GABRR1: variants seen among roughly 807,000 people sequenced by gnomAD.
GABRR1 encodes the protein gamma-aminobutyric acid type A receptor subunit rho1.
GABRR1 carries 59 observed loss-of-function variants against 55.5 expected under a neutral mutation model. The ratio of observed to expected loss-of-function variants is 1.06; its 90% CI spans 0.86 to 1.32. The LOEUF (loss-of-function observed/expected upper bound fraction) is 1.32, where lower values mean the gene tolerates loss of function less well. GABRR1 is among the 40% of genes most tolerant of loss of function. The probability of loss-of-function intolerance (pLI) is 0.00; values close to 1 mark genes in which losing one functional copy is unlikely to be tolerated. For missense variants in GABRR1, 602 were observed against 619.1 expected (o/e 0.97, Z 0.29); for synonymous variants, 213 against 226.0 (o/e 0.94, Z 0.51).
chr6:89,199,530 T>G, intron 3 of GABRR1, 101 bp from the exon 4 acceptor site: 1 of 1,113,966 alleles, frequency 9.0e-7, no homozygotes, highest in South Asian at 1.3e-5. Flanking sequence ...CTCAATGTCA[T>G]ATCAGATTTG....
At chr6:89,193,630 C>G (rs2127795941) in intron 5 of GABRR1, among the ~76,000 whole-genome samples, 1 of 152,248 alleles carries the variant, frequency 6.6e-6, no homozygotes, top group Admixed American at 6.5e-5. Flanking sequence ...TTTCAGGAAG[C>G]TTGTGAGCCA....
chr6:89,230,515 C>G (rs552354402), intron 1 of GABRR1, among the ~76,000 whole-genome samples: 6 of 152,046 alleles, frequency 3.9e-5, no homozygotes, highest in African/African-American at 1.4e-4. Context: ...TGTTGGAATA[C>G]CCTGCCTTGT....
At chr6:89,203,606 G>GA in intron 1 of GABRR1, 121 bp from the exon 2 acceptor site, 1 of 763,458 alleles carries the variant, frequency 1.3e-6, no homozygotes, top group Non-Finnish European at 2.2e-6. Flanking sequence ...AAAAGAAGAA[G>GA]AAAAAACTAC....
At position 89,178,859 on chromosome 6, in the gene GABRR1, C is replaced by T. The variant is rs765227482; in HGVS notation, c.1351G>A (p.Asp451Asn). 5.6e-6 allele frequency: 9 copies of T among 1,613,986 alleles called. No individual in the cohort carries two copies. The East Asian group carries it at 1.3e-4, about 24-fold the overall frequency. The change falls in exon 10 of 10, where the codon GAC becomes AAC. Residue 451 changes from aspartate to asparagine, a missense_variant. Asp to Asn is a conservative substitution (Grantham distance 23). Transcript: ENST00000454853. ...QRSSYVSMRI[D>N]THAIDKYSRI... ...GAGTATTTATCAATGGCGTGGGTGT[C>T]GATTCTCATGCTCACATAGCTGCTT... is the stretch of plus-strand genomic sequence containing the variant.
At chr6:89,218,535 T>G (rs940315858), upstream of GABRR1, among the ~76,000 whole-genome samples, 5 of 152,236 alleles carry the variant, frequency 3.3e-5, no homozygotes, top group Non-Finnish European at 5.9e-5. Context: ...CGATTCTTCT[T>G]ATTTGAATTC....
intron 1 of GABRR1, among the ~76,000 whole-genome samples, chr6:89,224,521 A>AT (rs746148147): frequency 2.0e-5 from 3 of 151,900 alleles, no homozygotes; most frequent in Non-Finnish European, 2.9e-5. Flanking sequence ...TTTTTATGGA[A>AT]TTTTTTTCTC....
At chr6:89,202,193 C>T (rs1383776821) in intron 2 of GABRR1, among the ~76,000 whole-genome samples, 23 of 152,182 alleles carry the variant, frequency 1.5e-4, no homozygotes, top group Admixed American at 1.5e-3. Flanking sequence ...TAGCAGTTGA[C>T]AATTTTTTAA....
intron 1 of GABRR1, among the ~76,000 whole-genome samples, chr6:89,213,840 G>T (rs1051357381): frequency 1.2e-4 from 5 of 42,380 alleles, no homozygotes; most frequent in Admixed American, 9.4e-4. Flanking sequence ...GTAATTCTTG[G>T]GTGTTTTTAA....
chr6:89,190,214 G>A lies in GABRR1; in HGVS notation c.606C>T (p.Phe202=). The change falls in exon 6 of 10, where the codon TTC becomes TTT. Residue 202 remains phenylalanine (F), a synonymous_variant. Coordinates refer to ENST00000454853, the MANE Select transcript of GABRR1 (RefSeq NM_002042.5). ...TTTGTGTGTCCAAGGGAAATCGGCT[G>A]AAGTCCATGTTGCACATTGCAGTTA... is the stretch of plus-strand genomic sequence containing the variant. The part of the protein sequence containing the change: ...VTVTAMCNMD[F]SRFPLDTQTC... 1 of 1,611,872 alleles carries A rather than the reference G, an allele frequency of 6.2e-7. No individual in the cohort carries two copies. Among genetic ancestry groups the A allele is most frequent in the South Asian group, 1.1e-5 (1 of 90,534 alleles).
chr6:89,184,247 CAAAAA>C (rs1164564083), intron 7 of GABRR1, among the ~76,000 whole-genome samples: 3 of 57,134 alleles, frequency 5.3e-5, no homozygotes, highest in East Asian at 5.0e-4. Flanking sequence ...GACTCCGTCT[CAAAAA>C]AAAAAAAAAA....
chr6:89,214,869 A>AT (rs1562314916), intron 1 of GABRR1, among the ~76,000 whole-genome samples: 8 of 152,076 alleles, frequency 5.3e-5, no homozygotes, highest in Non-Finnish European at 8.8e-5. Context: ...TAGAAAAAAA[A>AT]ATTTTTTTAA....
In GABRR1 at chr6:89,185,297, ACT is replaced by A; in HGVS notation, c.796+11_796+12del. 1 of 1,610,118 alleles carries A rather than the reference ACT, an allele frequency of 6.2e-7. No individual in the cohort carries two copies. The highest frequency in any genetic ancestry group is 8.5e-7 in the Non-Finnish European group (1 of 1,178,396). ...AAGCCTGCCCTGACTCTCAGCCCTC[ACT>A]CTACACTTACCTGTGCTGCTGTAGA... On this transcript the variant is annotated intron_variant, in intron 7 of 9. Coordinates refer to ENST00000454853, the MANE Select transcript of GABRR1 (RefSeq NM_002042.5).
chr6:89,177,541 A>G lies in GABRR1; in HGVS notation c.*1229T>C, dbSNP rs1771582051. On this transcript the variant is annotated 3_prime_UTR_variant, in exon 10 of 10. Coordinates refer to ENST00000454853, the MANE Select transcript of GABRR1 (RefSeq NM_002042.5). Reference sequence around the variant, plus strand: ...TTCACTTTATTAAAGTGAGTTTCAAATAAAACAAATGCTGTTTGGGTAAGT... The same window carrying G: ...TTCACTTTATTAAAGTGAGTTTCAAGTAAAACAAATGCTGTTTGGGTAAGT... 6.6e-6 allele frequency: 1 copy of G among 152,234 alleles called. No homozygotes were observed. The highest frequency in any genetic ancestry group is 2.4e-5 in the African/African-American group (1 of 41,468). 9.4% of individuals were successfully genotyped at this position (152,234 alleles called of 1,614,324 possible). A position where few individuals can be genotyped will look rare whatever the true frequency, so the allele number is the denominator to read the frequency against.
At chr6:89,196,877 AAGAG>A (rs549771676) in intron 5 of GABRR1, among the ~76,000 whole-genome samples, 3,151 of 144,654 alleles carry the variant, frequency 0.022, 120 homozygotes, top group African/African-American at 0.052. Context: ...GAAAGAAAGA[AAGAG>A]AAGAGAAGAA....
chr6:89,196,881 G>GAAAGAAAGAAA (rs57085890), intron 5 of GABRR1, among the ~76,000 whole-genome samples: 2 of 95,230 alleles, frequency 2.1e-5, no homozygotes, highest in Admixed American at 1.1e-4. Flanking sequence ...GAAAGAAAGA[G>GAAAGAAAGAAA]AAGAGAAGAA....
At chr6:89,183,482 G>A (rs1341959288) in intron 7 of GABRR1, among the ~76,000 whole-genome samples, 1 of 121,764 alleles carries the variant, frequency 8.2e-6, no homozygotes, top group Non-Finnish European at 1.8e-5. Context: ...GCTTCCCTGT[G>A]CAGTCAATTG....
intron 1 of GABRR1, among the ~76,000 whole-genome samples, chr6:89,207,919 C>T (rs1387334237): frequency 1.3e-5 from 2 of 152,228 alleles, no homozygotes; most frequent in African/African-American, 4.8e-5. Context: ...CTGCCTTGAA[C>T]CCGTTTTGCT....
In GABRR1 at chr6:89,208,586, C is replaced by T. The variant is rs568260409; in HGVS notation, c.123-5101G>A. 3.3e-4 allele frequency among the ~76,000 whole-genome samples: 51 copies of T among 152,328 alleles called. No homozygotes were observed. The Middle Eastern group carries it at 0.01, about 30-fold the overall frequency. Reference sequence around the variant, plus strand: ...GAGCCCCCATCCAGTCAGTTGTGGGCCTTCAGAGAAAAGACTAAGGTTTCT... The same window carrying T: ...GAGCCCCCATCCAGTCAGTTGTGGGTCTTCAGAGAAAAGACTAAGGTTTCT... On this transcript the variant is annotated intron_variant, in intron 1 of 9. Transcript: ENST00000454853.
Position 89,196,984 on chromosome 6 carries a change from A to T in GABRR1, c.572+1036T>A, listed in dbSNP as rs958803325. On this transcript the variant is annotated intron_variant, in intron 5 of 9. Coordinates refer to ENST00000454853, the MANE Select transcript of GABRR1 (RefSeq NM_002042.5). The stretch of plus-strand genomic sequence containing the variant: ...TTGGGGAAGGGGTTGCACATCCTGG[A>T]CCCGCCTGAGTACTTCTTACGGGAG... Among the ~76,000 whole-genome samples, 6 of 152,096 alleles carry T rather than the reference A, an allele frequency of 3.9e-5. No individual in the cohort carries two copies. The South Asian group carries it at 1.2e-3, about 32-fold the overall frequency.
Sources: allele counts gnomAD v4.1 joint callset (sites outside exome capture counted in the v4.1 genomes callset), GRCh38; gene constraint gnomAD v4.1.1; transcripts MANE v1.5; gene names NCBI Gene and HGNC (gene_info 2026-07-23, HGNC 2026-07-21).